The following USP31 variants were observed in gnomAD, a reference collection of about 807,000 sequenced individuals.
The protein encoded by USP31 is ubiquitin carboxyl-terminal hydrolase 31.
Under a neutral mutation model 119.4 loss-of-function variants are expected in USP31, and 44 were observed. The observed-to-expected ratio is 0.37, with a 90% CI of 0.29 to 0.47. The LOEUF (loss-of-function observed/expected upper bound fraction) is 0.47. Among genes scored for constraint, USP31 ranks in the 20% least tolerant of loss-of-function variants. The probability of loss-of-function intolerance (pLI) is 0.99; values close to 1 mark genes in which losing one functional copy is unlikely to be tolerated. For synonymous variants in USP31, 749 were observed against 705.6 expected (o/e 1.06, Z -0.97); for missense variants, 1,643 against 1,730.2 (o/e 0.95, Z 0.89).
At chr16:23,130,466 C>T (rs1902995918) in intron 1 of USP31, among the ~76,000 whole-genome samples, 1 of 151,348 alleles carries the variant, frequency 6.6e-6, no homozygotes, top group Non-Finnish European at 1.5e-5. Flanking sequence ...AGAAAAACTA[C>T]CAATTAGAAA....
At chr16:23,137,355 T>C (rs1175694957) in intron 1 of USP31, among the ~76,000 whole-genome samples, 1 of 152,096 alleles carries the variant, frequency 6.6e-6, no homozygotes, top group Non-Finnish European at 1.5e-5. Flanking sequence ...GAATGTAAAA[T>C]GGTGCAGTTA....
At chr16:23,106,516 A>T in intron 2 of USP31, 29 bp from the exon 3 acceptor site, 1 of 1,565,826 alleles carries the variant, frequency 6.4e-7, no homozygotes, top group Non-Finnish European at 8.7e-7. Flanking sequence ...ACAACTTCAC[A>T]GACTAGAAAG....
chr16:23,127,468 C>T (rs531789394), intron 1 of USP31, among the ~76,000 whole-genome samples: 3 of 151,922 alleles, frequency 2.0e-5, no homozygotes, highest in Admixed American at 1.3e-4. Flanking sequence ...AAAGAAACAA[C>T]TGATTTTTTT....
intron 1 of USP31, chr16:23,115,755 A>G: frequency 1.0e-6 from 1 of 984,256 alleles, no homozygotes; most frequent in Non-Finnish European, 1.2e-6. Context: ...TAAAAGGCAA[A>G]ACACTTACCG....
chr16:23,123,150 A>G (rs1214469408), intron 1 of USP31, among the ~76,000 whole-genome samples: 1 of 152,098 alleles, frequency 6.6e-6, no homozygotes, highest in Non-Finnish European at 1.5e-5. Flanking sequence ...CTATTTCTTG[A>G]TCTGGGTGAC....
intron 15 of USP31, 131 bp from the exon 16 acceptor site, chr16:23,069,747 T>C: frequency 4.0e-6 from 5 of 1,255,172 alleles, no homozygotes; most frequent in Non-Finnish European, 5.3e-6. Context: ...AGCCAGCCCA[T>C]CTGGGATCAA....
chr16:23,071,613 G>A (rs910593583), intron 15 of USP31, among the ~76,000 whole-genome samples: 6 of 152,188 alleles, frequency 3.9e-5, no homozygotes, highest in Admixed American at 6.5e-5. Flanking sequence ...ATGTTGGAAG[G>A]TGAGGCTCTC....
At position 23,090,664 on chromosome 16, in the gene USP31, A is replaced by G; in HGVS notation, c.1375T>C (p.Leu459=). The change falls in exon 7 of 16, where the codon TTG becomes CTG. Residue 459 remains leucine (L), a synonymous_variant. Transcript: ENST00000219689. ...CCAGTGCAGGCTCGGTTACACACCA[A>G]CAGGACAATCTTGTCGCTGCCTGCT... ...SRAGSDKIVL[L]VCNRACTGQQ... The G allele has an allele frequency of 6.2e-7, 1 of 1,613,982 alleles. No individual in the cohort carries two copies. Among genetic ancestry groups the G allele is most frequent in the South Asian group, 1.1e-5 (1 of 91,062 alleles).
intron 1 of USP31, among the ~76,000 whole-genome samples, chr16:23,122,844 T>C (rs961627731): frequency 5.9e-5 from 9 of 152,094 alleles, no homozygotes; most frequent in Non-Finnish European, 1.3e-4. Flanking sequence ...GGGGGGATAA[T>C]TAAAAATGTT....
At chr16:23,073,971 T>C in intron 13 of USP31, 91 bp from the exon 14 acceptor site, 2 of 1,565,118 alleles carry the variant, frequency 1.3e-6, no homozygotes, top group Non-Finnish European at 1.8e-6. Flanking sequence ...CTCATCTAAT[T>C]AACTCAAGAA....
In USP31 at chr16:23,069,082, G is replaced by A; in HGVS notation, c.3023C>T (p.Ala1008Val). Residue 1008 changes from alanine (A) to valine (V), a missense_variant, in exon 16 of 16, where the codon GCC (alanine) becomes GTC (valine). This residue lies in a region of USP31 where 699 missense variants were observed against 650.9 expected (regional missense o/e 1.07). Transcript: ENST00000219689. Reference protein sequence around the residue: ...VDSSPVKEVKAPSHPGSLAKK... With the variant: ...VDSSPVKEVKVPSHPGSLAKK... ...TGCGAGTGAGCCTGGGTGGCTGGGG[G>A]CTTTCACCTCTTTGACTGGAGAGCT... 6.2e-7 allele frequency: 1 copy of A among 1,612,324 alleles called. No individual in the cohort carries two copies. Among genetic ancestry groups the A allele is most frequent in the Non-Finnish European group, 8.5e-7 (1 of 1,180,016 alleles).
chr16:23,102,583 G>GA, intron 5 of USP31, 120 bp from the exon 6 acceptor site: 1 of 1,155,286 alleles, frequency 8.7e-7, no homozygotes, highest in Non-Finnish European at 1.2e-6. Flanking sequence ...ACATCTCGCA[G>GA]AGCCCACTTT....
At chr16:23,129,722 T>G (rs1902968718) in intron 1 of USP31, among the ~76,000 whole-genome samples, 2 of 152,184 alleles carry the variant, frequency 1.3e-5, no homozygotes, top group Admixed American at 1.3e-4. Flanking sequence ...CATAACTAAG[T>G]GAGAAGTGTA....
At chr16:23,141,381 A>ATTT (rs35803209) in intron 1 of USP31, among the ~76,000 whole-genome samples, 26 of 145,620 alleles carry the variant, frequency 1.8e-4, no homozygotes, top group Admixed American at 4.8e-4. Context: ...TTATACAATA[A>ATTT]TTTTTTTTTT....
chr16:23,140,178 G>A (rs1186103910), intron 1 of USP31, among the ~76,000 whole-genome samples: 1 of 152,138 alleles, frequency 6.6e-6, no homozygotes, highest in Non-Finnish European at 1.5e-5. Flanking sequence ...GCAGCCTCAA[G>A]GCTAAACTGT....
chr16:23,119,839 G>C (rs1030799287), intron 1 of USP31, among the ~76,000 whole-genome samples: 1 of 152,172 alleles, frequency 6.6e-6, no homozygotes, highest in African/African-American at 2.4e-5. Flanking sequence ...AAACACACCA[G>C]AGACAAAGAT....
intron 1 of USP31, chr16:23,115,850 G>T: frequency 2.3e-6 from 2 of 878,234 alleles, no homozygotes; most frequent in Non-Finnish European, 2.7e-6. Context: ...AAAAAAAAGA[G>T]TTGGAAACAT....
rs891020065 is a variant in USP31 at position 23,105,076 on chromosome 16, G to A, written c.1089+365C>T. ...TGGGAAGGGGTTTTCTAGCGTCACT[G>A]CTCAAGTTTTCAAAGCCTCTTTGAC... is the stretch of plus-strand genomic sequence containing the variant. On this transcript the variant is annotated intron_variant, in intron 5 of 15. Transcript: ENST00000219689. Among the ~76,000 whole-genome samples the A allele has an allele frequency of 8.5e-5, 13 of 152,196 alleles. 1 individual carries two copies. The highest frequency in any genetic ancestry group is 7.9e-4 in the Admixed American group (12 of 15,274).
chr16:23,119,100 T>C (rs1173737609), intron 1 of USP31, among the ~76,000 whole-genome samples: 1 of 142,038 alleles, frequency 7.0e-6, no homozygotes, highest in Non-Finnish European at 1.6e-5. Context: ...CACTCTTCTT[T>C]TTTTCTTTTT....
Sources: gnomAD v4.1 joint callset for allele counts (sites outside exome capture counted in the v4.1 genomes callset) on GRCh38, gnomAD v4.1.1 for gene constraint, gnomAD v4.1.1 regional missense constraint, MANE v1.5 for transcripts, NCBI Gene and HGNC (gene_info 2026-07-23, HGNC 2026-07-21) for gene names.